GP6: variants seen among roughly 807,000 people sequenced by gnomAD.
GP6 encodes the protein glycoprotein VI platelet, also known as platelet glycoprotein VI.
A neutral mutation model predicts 37.3 loss-of-function variants in GP6; 45 were observed. The observed-to-expected ratio is 1.21, with a 90% CI of 0.95 to 1.55. The LOEUF (loss-of-function observed/expected upper bound fraction) is 1.55, where lower values mean the gene tolerates loss of function less well. Among genes scored for constraint, GP6 ranks in the 40% most tolerant of loss-of-function variants. GP6 has a pLI of 0.00. For missense variants in GP6, 813 were observed against 760.2 expected (o/e 1.07, Z -0.82); for synonymous variants, 340 against 316.4 (o/e 1.07, Z -0.79).
intron 3 of GP6, among the ~76,000 whole-genome samples, chr19:55,028,852 A>G (rs1295276492): frequency 1.3e-5 from 2 of 151,944 alleles, no homozygotes; most frequent in Non-Finnish European, 2.9e-5. Flanking sequence ...ACAAAGGTTG[A>G]GGCTGGGTGC....
intron 5 of GP6, among the ~76,000 whole-genome samples, chr19:55,023,892 T>C (rs1227058870): frequency 6.6e-6 from 1 of 152,066 alleles, no homozygotes; most frequent in East Asian, 1.9e-4. Flanking sequence ...TGGAAGATTA[T>C]AGAGATGGAG....
intron 3 of GP6, among the ~76,000 whole-genome samples, chr19:55,029,374 ATTTTTTTTTTTTTTTTT>A (rs1160805363): frequency 5.2e-3 from 23 of 4,428 alleles, no homozygotes; most frequent in African/African-American, 0.016. Context: ...ATATATATAT[ATTTTTTTTTTTTTTTTT>A]TTTTTTTTTT....
At chr19:55,032,443 G>A (rs2074600543) in intron 2 of GP6, 47 bp from the exon 3 acceptor site, 2 of 1,612,326 alleles carry the variant, frequency 1.2e-6, no homozygotes, top group Middle Eastern at 1.7e-4. Context: ...GACCCCGCCT[G>A]GACCCCGCTG....
chr19:55,029,941 TA>T (rs1176211029), intron 3 of GP6, among the ~76,000 whole-genome samples: 1 of 152,038 alleles, frequency 6.6e-6, no homozygotes, highest in Non-Finnish European at 1.5e-5. Context: ...TAACGCGGAA[TA>T]GACCACAGTG....
intron 3 of GP6, 55 bp downstream of exon 3, chr19:55,032,084 T>G (rs548997105): frequency 1.3e-6 from 2 of 1,579,648 alleles, no homozygotes; most frequent in Admixed American, 1.7e-5. Flanking sequence ...TCCCCCGTAT[T>G]TGTGTCCTGA....
rs1222800136 is a variant in GP6 at position 55,014,476 on chromosome 19, G to T, written c.1469C>A (p.Ser490Tyr). 2.4e-5 allele frequency: 39 copies of T among 1,614,100 alleles called. No homozygotes were observed. The highest frequency in any genetic ancestry group is 3.3e-5 in the Non-Finnish European group (39 of 1,179,918). ...GCAGTGGGAGATGGAGTGAGGGTGA[G>T]AGTTTCTGGGGAAAACCAGACAAGA... Residue 490 changes from serine (S) to tyrosine (Y), a missense_variant, in exon 8 of 8, where the codon TCT (serine) becomes TAT (tyrosine). Transcript: ENST00000310373.
chr19:55,037,775 GCACCCGCCATCA>G (rs1211958933), intron 1 of GP6, among the ~76,000 whole-genome samples: 1 of 150,618 alleles, frequency 6.6e-6, no homozygotes, highest in African/African-American at 2.4e-5. Flanking sequence ...GGGATTACAA[GCACCCGCCATCA>G]CGCCCGGCTA....
intron 4 of GP6, among the ~76,000 whole-genome samples, chr19:55,026,030 C>A (rs1401994969): frequency 1.4e-5 from 2 of 147,106 alleles, no homozygotes; most frequent in Admixed American, 6.8e-5. Context: ...AAAGCAGCAG[C>A]ATTTGTAAAG....
intron 1 of GP6, among the ~76,000 whole-genome samples, chr19:55,036,784 G>A (rs778783839): frequency 4.6e-5 from 7 of 152,288 alleles, no homozygotes; most frequent in East Asian, 3.9e-4. Flanking sequence ...AGGCCGAGGC[G>A]GGTGGAACCT....
At chr19:55,022,210 T>C (rs528171948) in intron 5 of GP6, among the ~76,000 whole-genome samples, 1 of 152,346 alleles carries the variant, frequency 6.6e-6, no homozygotes, top group East Asian at 1.9e-4. Flanking sequence ...GTTTTTGTCA[T>C]GAAATCTTTG....
chr19:55,035,067 C>T (rs2074778469), intron 1 of GP6, among the ~76,000 whole-genome samples: 1 of 152,198 alleles, frequency 6.6e-6, no homozygotes, highest in African/African-American at 2.4e-5. Context: ...TGCTGAGCGC[C>T]TTCTGTGCAT....
In GP6 at chr19:55,014,435, G is replaced by A. The variant is rs1288625078; in HGVS notation, c.1510C>T (p.Leu504Phe). The change falls in exon 8 of 8, where the codon CTT (leucine) becomes TTT (phenylalanine). Residue 504 changes from leucine (L) to phenylalanine (F), a missense_variant. Leu to Phe is a conservative substitution (Grantham distance 22). Transcript: ENST00000310373. ...GCAAGACCCGTTCTGAGAGACGAAA[G>A]GAGATTTGTTAGACCGCAGTGGGAG... The A allele has an allele frequency of 6.2e-7, 1 of 1,613,580 alleles. No homozygotes were observed. The highest frequency in any genetic ancestry group is 2.2e-5 in the East Asian group (1 of 44,892).
At chr19:55,033,616 G>C (rs1187035436) in intron 1 of GP6, among the ~76,000 whole-genome samples, 1 of 152,224 alleles carries the variant, frequency 6.6e-6, no homozygotes, top group South Asian at 2.1e-4. Context: ...AGACATTGCT[G>C]TCCCTTCGTT....
At chr19:55,029,641 C>T (rs576599112) in intron 3 of GP6, among the ~76,000 whole-genome samples, 12 of 151,336 alleles carry the variant, frequency 7.9e-5, no homozygotes, top group African/African-American at 2.2e-4. Context: ...CCGTCCACCT[C>T]GGCCTCCCAA....
chr19:55,037,431 A>C (rs185481599), intron 1 of GP6, among the ~76,000 whole-genome samples: 1 of 149,390 alleles, frequency 6.7e-6, no homozygotes, highest in Non-Finnish European at 1.5e-5. Context: ...TCCACCTCCC[A>C]GGTTCAAGCG....
At chr19:55,025,371 G>A in intron 4 of GP6, 100 bp from the exon 5 acceptor site, 3 of 795,594 alleles carry the variant, frequency 3.8e-6, no homozygotes, top group Non-Finnish European at 6.6e-6. Context: ...CCGGAAAAAT[G>A]AGCCTAAAGT....
In GP6 at chr19:55,018,925, GT is replaced by G. The variant is rs981511303; in HGVS notation, c.665-215del. 677 of 608,990 alleles carry G rather than the reference GT, an allele frequency of 1.1e-3. 10 individuals are homozygous for G. The African/African-American group carries it at 0.012, about 11-fold the overall frequency. 37.7% of individuals were successfully genotyped at this position (608,990 alleles called of 1,614,324 possible). ...CCGTTCAGCAATTGATAGACACTTG[GT>G]TTTTTTTCCACGTTTTGCTGTTATG... On this transcript the variant is annotated intron_variant, in intron 5 of 7. Coordinates refer to ENST00000310373, the MANE Select transcript of GP6 (RefSeq NM_001083899.2).
intron 5 of GP6, among the ~76,000 whole-genome samples, chr19:55,022,854 CAG>C (rs1195459322): frequency 1.4e-4 from 21 of 152,174 alleles, no homozygotes; most frequent in Non-Finnish European, 1.6e-4. Flanking sequence ...TCAAGAAAAT[CAG>C]AGCGGACACA....
Position 55,014,308 on chromosome 19 carries a change from T to G in GP6, c.1637A>C (p.Lys546Thr). 6.5e-7 allele frequency: 1 copy of G among 1,543,444 alleles called. No individual in the cohort carries two copies. Among genetic ancestry groups the G allele is most frequent in the Non-Finnish European group, 8.9e-7 (1 of 1,117,606 alleles). The change falls in exon 8 of 8, where the codon AAA becomes ACA. Residue 546 changes from lysine to threonine, a missense_variant. Coordinates refer to ENST00000310373, the MANE Select transcript of GP6 (RefSeq NM_001083899.2). Reference sequence around the variant, plus strand: ...TTTGTTTTGTTGGTAGAGATGAGGTTTCACCATGTTGCACAGGCTGATCTT... The same window carrying G: ...TTTGTTTTGTTGGTAGAGATGAGGTGTCACCATGTTGCACAGGCTGATCTT...
Sources: allele counts gnomAD v4.1 joint callset (sites outside exome capture counted in the v4.1 genomes callset), GRCh38; gene constraint gnomAD v4.1.1; transcripts MANE v1.5; gene names NCBI Gene and HGNC (gene_info 2026-07-23, HGNC 2026-07-21).